The following GPC6 variants were observed in gnomAD, a reference collection of about 807,000 sequenced individuals.
GPC6 encodes the protein glypican-6.
Under a neutral mutation model 55.2 loss-of-function variants are expected in GPC6, and 14 were observed. That is an observed-to-expected ratio of 0.25 (90% CI 0.17 to 0.40). The LOEUF (loss-of-function observed/expected upper bound fraction) is 0.40, where lower values mean the gene tolerates loss of function less well. GPC6 is among the 10% of genes least tolerant of loss of function. The probability of loss-of-function intolerance (pLI) is 1.00; values close to 1 mark genes in which losing one functional copy is unlikely to be tolerated. For missense variants in GPC6, 641 were observed against 708.5 expected, an observed-to-expected ratio of 0.90 and a Z score of 1.08; for synonymous variants, 278 against 259.6, an observed-to-expected ratio of 1.07 and a Z score of -0.68.
chr13:93,285,294 T>G (rs1322300793), intron 1 of GPC6, among the ~76,000 whole-genome samples: 1 of 152,208 alleles, frequency 6.6e-6, no homozygotes, highest in Non-Finnish European at 1.5e-5. Context: ...GTATTTTTAA[T>G]TAATGAATTG....
At chr13:94,320,498 G>A (rs974461495) in intron 6 of GPC6, among the ~76,000 whole-genome samples, 2 of 152,050 alleles carry the variant, frequency 1.3e-5, no homozygotes, top group Non-Finnish European at 2.9e-5. Context: ...GAAAGTCTGG[G>A]TGGCCTGTGT....
intron 2 of GPC6, among the ~76,000 whole-genome samples, chr13:93,823,057 G>A (rs958975214): frequency 1.8e-4 from 28 of 151,448 alleles, no homozygotes; most frequent in Admixed American, 1.6e-3. Context: ...TAGAGACAGG[G>A]TTTCACCGTG....
intron 4 of GPC6, among the ~76,000 whole-genome samples, chr13:94,226,104 A>G (rs1890549095): frequency 6.6e-6 from 1 of 152,198 alleles, no homozygotes. Context: ...TGAGATGACC[A>G]ACAAATTCTT....
chr13:94,103,766 G>T (rs570211173), intron 4 of GPC6, among the ~76,000 whole-genome samples: 1 of 152,096 alleles, frequency 6.6e-6, no homozygotes, highest in African/African-American at 2.4e-5. Flanking sequence ...TAAGTTCTTT[G>T]TAGATTCTGG....
intron 1 of GPC6, among the ~76,000 whole-genome samples, chr13:93,377,889 G>A (rs9516227): frequency 0.38 from 57,432 of 151,408 alleles, 12,165 homozygotes; most frequent in Non-Finnish European, 0.5. Flanking sequence ...ACATAAAGAG[G>A]TAGGGTTGAA....
chr13:94,339,918 C>T (rs1220147301), intron 6 of GPC6, among the ~76,000 whole-genome samples: 2 of 151,884 alleles, frequency 1.3e-5, no homozygotes, highest in Non-Finnish European at 2.9e-5. Flanking sequence ...CATGCACCAC[C>T]ACACCCAGCT....
chr13:93,471,267 C>T (rs1357403082), intron 1 of GPC6, among the ~76,000 whole-genome samples: 1 of 151,232 alleles, frequency 6.6e-6, no homozygotes, highest in Admixed American at 6.6e-5. Flanking sequence ...GTAATCCCAG[C>T]ACTTTGGGAG....
Position 93,852,448 on chromosome 13 carries a change from C to T in GPC6, c.711+21903C>T, listed in dbSNP as rs979109916. 2.6e-5 allele frequency among the ~76,000 whole-genome samples: 4 copies of T among 151,666 alleles called. No homozygotes were observed. The South Asian group carries it at 6.2e-4, about 24-fold the overall frequency. On this transcript the variant is annotated intron_variant, in intron 3 of 8. Coordinates refer to ENST00000377047, the MANE Select transcript of GPC6 (RefSeq NM_005708.5). ...TTTGTTGTAGACAACTAATTAAAGC[C>T]GAAATAAGCACTCCAAATAATTTCA...
chr13:93,267,613 G>A (rs2139048610), intron 1 of GPC6, among the ~76,000 whole-genome samples: 1 of 152,084 alleles, frequency 6.6e-6, no homozygotes, highest in East Asian at 1.9e-4. Context: ...ACAAATGTGT[G>A]ATATTATTTT....
At chr13:94,251,593 A>G (rs528007709) in intron 4 of GPC6, among the ~76,000 whole-genome samples, 50 of 152,102 alleles carry the variant, frequency 3.3e-4, no homozygotes, top group Admixed American at 1.4e-3. Flanking sequence ...TATCAGTCTC[A>G]GGACAAAGAT....
At chr13:94,243,455 C>G (rs139307524) in intron 4 of GPC6, among the ~76,000 whole-genome samples, 1 of 151,996 alleles carries the variant, frequency 6.6e-6, no homozygotes, top group Non-Finnish European at 1.5e-5. Context: ...GGTGTTTGAA[C>G]AGAACTTGAG....
intron 3 of GPC6, among the ~76,000 whole-genome samples, chr13:93,831,622 C>T (rs891848750): frequency 6.6e-6 from 1 of 151,766 alleles, no homozygotes; most frequent in Non-Finnish European, 1.5e-5. Context: ...GGTGTGTACC[C>T]TTACAAATGT....
intron 2 of GPC6, among the ~76,000 whole-genome samples, chr13:93,568,337 C>T (rs1044251413): frequency 1.3e-5 from 2 of 152,122 alleles, no homozygotes; most frequent in African/African-American, 4.8e-5. Context: ...TATGTTCAGG[C>T]ATGCTCTCGG....
intron 2 of GPC6, among the ~76,000 whole-genome samples, chr13:93,792,705 C>T (rs987806100): frequency 2.0e-5 from 3 of 152,170 alleles, no homozygotes; most frequent in African/African-American, 7.2e-5. Context: ...TTCACACTTA[C>T]TTTCAAGGGA....
At chr13:93,474,234 A>G (rs1383921836) in intron 1 of GPC6, among the ~76,000 whole-genome samples, 1 of 151,954 alleles carries the variant, frequency 6.6e-6, no homozygotes, top group African/African-American at 2.4e-5. Flanking sequence ...TGTTACTTGG[A>G]TCTGTTTCTT....
At chr13:93,566,293 C>G (rs1279356896) in intron 2 of GPC6, among the ~76,000 whole-genome samples, 3 of 152,126 alleles carry the variant, frequency 2.0e-5, no homozygotes, top group Non-Finnish European at 4.4e-5. Flanking sequence ...AAGTTAAGTC[C>G]TTAAACATGT....
intron 3 of GPC6, among the ~76,000 whole-genome samples, chr13:93,839,308 C>T (rs9301913): frequency 0.42 from 64,201 of 151,872 alleles, 14,809 homozygotes; most frequent in African/African-American, 0.6. Flanking sequence ...ACAAGATACA[C>T]ACCAAAATTG....
At chr13:93,223,019 C>CTTTTTTTTT (rs3073915), upstream of GPC6, among the ~76,000 whole-genome samples, 1,933 of 100,656 alleles carry the variant, frequency 0.019, 123 homozygotes, top group African/African-American at 0.021. Flanking sequence ...AGGGAAAACA[C>CTTTTTTTTT]TTTTTTTTTT....
chr13:93,289,932 G>A (rs1340596432), intron 1 of GPC6, among the ~76,000 whole-genome samples: 1 of 152,124 alleles, frequency 6.6e-6, no homozygotes, highest in Non-Finnish European at 1.5e-5. Flanking sequence ...CTATTTTATG[G>A]CACATGGACT....
Sources: allele counts gnomAD v4.1 joint callset (sites outside exome capture counted in the v4.1 genomes callset), GRCh38; gene constraint gnomAD v4.1.1; transcripts MANE v1.5; gene names NCBI Gene and HGNC (gene_info 2026-07-23, HGNC 2026-07-21).